AGBL4: variants seen among roughly 807,000 people sequenced by gnomAD.
The protein encoded by AGBL4 is cytosolic carboxypeptidase 6.
In AGBL4, 58 loss-of-function variants were observed where a neutral mutation model predicts 66.4. That is an observed-to-expected ratio of 0.87 (90% CI 0.71 to 1.09). AGBL4 has a LOEUF of 1.09. Ranked by LOEUF, AGBL4 falls within the 50% of genes least tolerant of loss-of-function variation. The pLI is 0.00. For synonymous variants in AGBL4, 234 were observed against 222.9 expected (o/e 1.05, Z -0.44); for missense variants, 579 against 631.0 (o/e 0.92, Z 0.88).
At chr1:49,664,502 A>G (rs924345242) in intron 3 of AGBL4, among the ~76,000 whole-genome samples, 2 of 152,178 alleles carry the variant, frequency 1.3e-5, no homozygotes, top group South Asian at 4.1e-4. Context: ...GAATACCAAG[A>G]TATTTCTTTA....
chr1:49,564,314 T>C (rs902480189), intron 3 of AGBL4, among the ~76,000 whole-genome samples: 3 of 152,206 alleles, frequency 2.0e-5, no homozygotes, highest in African/African-American at 7.2e-5. Flanking sequence ...CCTTCAGTTC[T>C]GCTCTGATTT....
chr1:49,286,141 G>T (rs1322944950), intron 3 of AGBL4, among the ~76,000 whole-genome samples: 2 of 152,160 alleles, frequency 1.3e-5, no homozygotes, highest in Non-Finnish European at 2.9e-5. Flanking sequence ...TGCAGAAAAA[G>T]CCTTTGACAA....
chr1:49,965,382 G>T (rs536283419), intron 1 of AGBL4, among the ~76,000 whole-genome samples: 7 of 152,322 alleles, frequency 4.6e-5, no homozygotes, highest in African/African-American at 1.7e-4. Context: ...GAGCTGAGAA[G>T]AGGCATGAGT....
intron 4 of AGBL4, among the ~76,000 whole-genome samples, chr1:49,053,908 C>T: frequency 6.6e-6 from 1 of 152,122 alleles, no homozygotes; most frequent in East Asian, 1.9e-4. Context: ...CACAAATCTG[C>T]TGAAGAAACA....
intron 4 of AGBL4, among the ~76,000 whole-genome samples, chr1:49,073,042 C>A (rs1354975263): frequency 6.6e-6 from 1 of 152,128 alleles, no homozygotes; most frequent in Non-Finnish European, 1.5e-5. Context: ...AATTCAGCTA[C>A]CGAAGCTTGC....
chr1:49,862,012 C>A (rs911602588), intron 1 of AGBL4, among the ~76,000 whole-genome samples: 14 of 152,090 alleles, frequency 9.2e-5, no homozygotes, highest in African/African-American at 3.1e-4. Flanking sequence ...ATCAAAACCA[C>A]CCACAAAAAC....
chr1:49,407,162 T>C (rs1470384054), intron 3 of AGBL4, among the ~76,000 whole-genome samples: 1 of 152,098 alleles, frequency 6.6e-6, no homozygotes, highest in Admixed American at 6.6e-5. Flanking sequence ...AGGGTATTTT[T>C]GGATAAGATT....
chr1:49,351,761 T>C (rs1200470269), intron 3 of AGBL4, among the ~76,000 whole-genome samples: 2 of 152,184 alleles, frequency 1.3e-5, no homozygotes, highest in Admixed American at 1.3e-4. Flanking sequence ...TAAATTTTCA[T>C]GTCAGTTTTT....
intron 6 of AGBL4, among the ~76,000 whole-genome samples, chr1:48,705,061 T>C (rs1255150956): frequency 6.6e-6 from 1 of 152,206 alleles, no homozygotes; most frequent in African/African-American, 2.4e-5. Flanking sequence ...TCCATTATAA[T>C]CTTATGGGAC....
intron 6 of AGBL4, among the ~76,000 whole-genome samples, chr1:48,715,430 T>C (rs1027241535): frequency 6.6e-6 from 1 of 152,216 alleles, no homozygotes; most frequent in African/African-American, 2.4e-5. Flanking sequence ...TGCCAGGCCC[T>C]GTGCTATGCG....
At chr1:49,538,202 G>C (rs1016444716) in intron 3 of AGBL4, among the ~76,000 whole-genome samples, 1 of 152,200 alleles carries the variant, frequency 6.6e-6, no homozygotes, top group Admixed American at 6.5e-5. Context: ...ACCACCCTAA[G>C]TGTGAATCAG....
chr1:48,881,614 C>T (rs546363899), intron 5 of AGBL4, among the ~76,000 whole-genome samples: 6 of 152,274 alleles, frequency 3.9e-5, no homozygotes, highest in Non-Finnish European at 8.8e-5. Context: ...GTTGGAAATA[C>T]ACATCTAGAT....
intron 4 of AGBL4, among the ~76,000 whole-genome samples, chr1:49,142,101 T>C (rs1472895652): frequency 2.0e-5 from 3 of 152,100 alleles, no homozygotes; most frequent in Admixed American, 6.6e-5. Context: ...CAACTGTGCA[T>C]GTGAGGGATC....
chr1:48,548,145 C>A (rs548227919), intron 11 of AGBL4, among the ~76,000 whole-genome samples: 1 of 152,164 alleles, frequency 6.6e-6, no homozygotes, highest in African/African-American at 2.4e-5. Flanking sequence ...AAGCTGTAGA[C>A]CTAATAATAC....
At chr1:49,394,612 G>A (rs1158274439) in intron 3 of AGBL4, among the ~76,000 whole-genome samples, 1 of 152,072 alleles carries the variant, frequency 6.6e-6, no homozygotes, top group Non-Finnish European at 1.5e-5. Flanking sequence ...AAAGAAAAAC[G>A]TAAACCCTGA....
At chr1:49,563,297 T>C (rs575635018) in intron 3 of AGBL4, among the ~76,000 whole-genome samples, 38 of 152,224 alleles carry the variant, frequency 2.5e-4, no homozygotes, top group African/African-American at 5.3e-4. Flanking sequence ...GAATGCTCTT[T>C]ATTTCCTTCT....
intron 8 of AGBL4, among the ~76,000 whole-genome samples, chr1:48,640,840 C>T (rs972866780): frequency 1.3e-5 from 2 of 152,200 alleles, no homozygotes; most frequent in African/African-American, 2.4e-5. Context: ...TATACAAATG[C>T]CAAATAAATA....
intron 3 of AGBL4, among the ~76,000 whole-genome samples, chr1:49,508,091 A>C (rs973509003): frequency 2.0e-5 from 3 of 151,974 alleles, no homozygotes; most frequent in African/African-American, 7.2e-5. Context: ...CTCTAGTGTA[A>C]ACACTAATCC....
chr1:48,903,390 A>T (rs144612025), intron 5 of AGBL4, among the ~76,000 whole-genome samples: 1 of 152,172 alleles, frequency 6.6e-6, no homozygotes, highest in Non-Finnish European at 1.5e-5. Context: ...TTTGCTTCCT[A>T]TGTGTAATGT....
Sources: allele counts gnomAD v4.1 joint callset (sites outside exome capture counted in the v4.1 genomes callset), GRCh38; gene constraint gnomAD v4.1.1; transcripts MANE v1.5; gene names NCBI Gene and HGNC (gene_info 2026-07-23, HGNC 2026-07-21).